Variants in EIF6 observed in about 807,000 individuals in gnomAD.
EIF6 encodes B4 integrin interactor.
Under a neutral mutation model 25.5 loss-of-function variants are expected in EIF6, and 10 were observed. That is an observed-to-expected ratio of 0.39 (90% CI 0.24 to 0.66). The LOEUF is 0.66. EIF6 is among the 30% of genes least tolerant of loss of function. EIF6 has a pLI of 0.45. For missense variants in EIF6, 246 were observed against 315.4 expected (o/e 0.78, Z 1.67); for synonymous variants, 122 against 122.6 (o/e 1.00, Z 0.03).
rs10231 is a variant in EIF6, at chr20:35,279,172, C to T, written c.*25G>A. The T allele has an allele frequency of 1.1e-5, 17 of 1,613,784 alleles. No individual in the cohort carries two copies. Among genetic ancestry groups the T allele is most frequent in the Non-Finnish European group, 1.4e-5 (16 of 1,179,914 alleles). On this transcript the variant is annotated 3_prime_UTR_variant, in exon 7 of 7. Transcript: ENST00000374450. ...GTTGGCCACAGTCCAGAGCCAGGAGCCCATGGAACAACTTGGAAGGTGACT... is the reference window on the plus strand; with the variant it reads ...GTTGGCCACAGTCCAGAGCCAGGAGTCCATGGAACAACTTGGAAGGTGACT...
At chr20:35,279,834 G>A (rs2060757126) in intron 5 of EIF6, 87 bp from the exon 6 acceptor site, 1 of 1,591,304 alleles carries the variant, frequency 6.3e-7, no homozygotes. Context: ...GCTCCTCCCT[G>A]ACCTGCAGCC....
At chr20:35,283,479 G>A (rs937150726) in intron 3 of EIF6, among the ~76,000 whole-genome samples, 2 of 152,162 alleles carry the variant, frequency 1.3e-5, no homozygotes, top group African/African-American at 4.8e-5. Flanking sequence ...AAAGCACCTT[G>A]CCCAGTCAGT....
At chr20:35,283,306 T>C (rs2060792711) in intron 3 of EIF6, among the ~76,000 whole-genome samples, 2 of 150,510 alleles carry the variant, frequency 1.3e-5, no homozygotes, top group South Asian at 4.2e-4. Context: ...ATAATAATAA[T>C]AATAAAAAGG....
At chr20:35,279,815 C>G in intron 5 of EIF6, 68 bp from the exon 6 acceptor site, 2 of 1,599,956 alleles carry the variant, frequency 1.3e-6, no homozygotes, top group Non-Finnish European at 1.7e-6. Context: ...AAGACTCTCC[C>G]CAAACCCTGC....
At chr20:35,284,672 C>T in intron 1 of EIF6, 54 bp downstream of exon 1, 1 of 685,406 alleles carries the variant, frequency 1.5e-6, no homozygotes. Context: ...GCCCCCACCC[C>T]TCCCGACCCA....
Position 35,279,151 on chromosome 20 carries a change from GC to G in EIF6, c.*45del. 6.2e-7 allele frequency: 1 copy of G among 1,613,338 alleles called. No homozygotes were observed. Among genetic ancestry groups the G allele is most frequent in the Non-Finnish European group, 8.5e-7 (1 of 1,179,458 alleles). Reference sequence around the variant, plus strand: ...ATTGGGCGGAATGTGGAGAAGGTTGGCCACAGTCCAGAGCCAGGAGCCCATG... The same window carrying G: ...ATTGGGCGGAATGTGGAGAAGGTTGGCACAGTCCAGAGCCAGGAGCCCATG... On this transcript the variant is annotated 3_prime_UTR_variant, in exon 7 of 7. Coordinates refer to ENST00000374450, the MANE Select transcript of EIF6 (RefSeq NM_002212.4).
chr20:35,279,631 G>A lies in EIF6; in HGVS notation c.663C>T (p.Val221=). Residue 221 remains valine (V), a synonymous_variant, in exon 6 of 7, where the codon GTC becomes GTT. Coordinates refer to ENST00000374450, the MANE Select transcript of EIF6 (RefSeq NM_002212.4). ...TSTELSVVES[V]FKLNEAQPST... is the part of the protein sequence containing the mutation. The stretch of plus-strand genomic sequence containing the variant: ...TAGGCTGGGCTTCATTCAGCTTGAA[G>A]ACACTCTCCACCACTGACAGCTCTG... 6.2e-7 allele frequency: 1 copy of A among 1,614,186 alleles called. No individual in the cohort carries two copies. The highest frequency in any genetic ancestry group is 1.1e-5 in the South Asian group (1 of 91,082).
Position 35,278,950 on chromosome 20 carries a change from G to T in EIF6, c.*247C>A. 1.7e-6 allele frequency: 1 copy of T among 574,120 alleles called. No homozygotes were observed. Among genetic ancestry groups the T allele is most frequent in the Non-Finnish European group, 3.1e-6 (1 of 320,382 alleles). The allele number at this position is 574,120 out of a possible 1,614,324, so 35.6% of individuals were successfully genotyped here. Reference sequence around the variant, plus strand: ...GAGGGAACTGCACTTTAATGGGGTGGCACAGGACAGCAGAACCCTCAGCCA... The same window carrying T: ...GAGGGAACTGCACTTTAATGGGGTGTCACAGGACAGCAGAACCCTCAGCCA... On this transcript the variant is annotated 3_prime_UTR_variant, in exon 7 of 7. Transcript: ENST00000374450.
At chr20:35,281,308 C>A (rs2060773155) in intron 3 of EIF6, among the ~76,000 whole-genome samples, 1 of 151,590 alleles carries the variant, frequency 6.6e-6, no homozygotes, top group Admixed American at 6.6e-5. Context: ...ATGGCGTGAA[C>A]CCGGGAGGCG....
intron 3 of EIF6, among the ~76,000 whole-genome samples, chr20:35,281,438 G>A (rs865831595): frequency 2.1e-4 from 31 of 150,926 alleles, no homozygotes; most frequent in African/African-American, 7.3e-4. Flanking sequence ...TACACACATA[G>A]CAGAATGGCT....
chr20:35,283,655 C>T (rs994217933), intron 3 of EIF6, among the ~76,000 whole-genome samples: 3 of 152,098 alleles, frequency 2.0e-5, no homozygotes, highest in Non-Finnish European at 2.9e-5. Context: ...TAAAAATTAG[C>T]CAGGTGTGGT....
rs564165093 is a variant in EIF6, at chr20:35,283,088, T to C, written c.193+1088A>G. ...GGGAGGATCACCTGAGGTCAGGAGTTCAAGACCAGCCTGGCCAACATGGTG... is the reference window on the plus strand; with the variant it reads ...GGGAGGATCACCTGAGGTCAGGAGTCCAAGACCAGCCTGGCCAACATGGTG... On this transcript the variant is annotated intron_variant, in intron 3 of 6. Coordinates refer to ENST00000374450, the MANE Select transcript of EIF6 (RefSeq NM_002212.4). Among the ~76,000 whole-genome samples, 320 of 151,508 alleles carry C rather than the reference T, an allele frequency of 2.1e-3. 2 individuals carry two copies. Among genetic ancestry groups the C allele is most frequent in the African/African-American group, 7.6e-3 (314 of 41,282 alleles).
At chr20:35,278,911 T>C (rs997855760), downstream of EIF6, 2 of 496,326 alleles carry the variant, frequency 4.0e-6, no homozygotes. Context: ...AAACATCACA[T>C]TCAGAATGGC....
chr20:35,282,513 C>T (rs2060784182), intron 3 of EIF6, among the ~76,000 whole-genome samples: 1 of 152,190 alleles, frequency 6.6e-6, no homozygotes, highest in South Asian at 2.1e-4. Flanking sequence ...TGCTTCAAGT[C>T]CTAAGGGCAT....
Position 35,279,178 on chromosome 20 carries a change from G to C in EIF6, c.*19C>G. The C allele has an allele frequency of 6.2e-7, 1 of 1,613,982 alleles. No homozygotes were observed. The highest frequency in any genetic ancestry group is 8.5e-7 in the Non-Finnish European group (1 of 1,179,930). On this transcript the variant is annotated 3_prime_UTR_variant, in exon 7 of 7. Coordinates refer to ENST00000374450, the MANE Select transcript of EIF6 (RefSeq NM_002212.4). The stretch of plus-strand genomic sequence containing the variant: ...CACAGTCCAGAGCCAGGAGCCCATG[G>C]AACAACTTGGAAGGTGACTCAGGTG...
At chr20:35,282,612 G>T (rs945392727) in intron 3 of EIF6, among the ~76,000 whole-genome samples, 1 of 149,770 alleles carries the variant, frequency 6.7e-6, no homozygotes, top group African/African-American at 2.5e-5. Context: ...TTTGTTTTTT[G>T]TTTTTTTTTG....
chr20:35,280,614 G>A, intron 4 of EIF6, 40 bp downstream of exon 4: 1 of 1,604,704 alleles, frequency 6.2e-7, no homozygotes, highest in Non-Finnish European at 8.5e-7. Context: ...CACTGACTAG[G>A]ATGGCCCTGT....
intron 1 of EIF6, 38 bp downstream of exon 1, chr20:35,284,688 G>C (rs1007776104): frequency 1.9e-4 from 117 of 616,564 alleles, no homozygotes; most frequent in Middle Eastern, 4.4e-4. Context: ...ACCCAGGACC[G>C]GAGCTGACCC....
rs76234054 is a variant in EIF6, at chr20:35,280,326, C to A, written c.370-208G>T. On this transcript the variant is annotated intron_variant, in intron 4 of 6. Transcript: ENST00000374450. ...TGAAGCCCCTAATATTCATGCATGC[C>A]CTGAACAGCTGGAGGCTGGTCTCAA... Among the ~76,000 whole-genome samples the A allele has an allele frequency of 3.5e-4, 53 of 152,282 alleles. No homozygotes were observed. The East Asian group carries it at 9.3e-3, about 27-fold the overall frequency.
Sources: gnomAD v4.1 joint callset for allele counts (sites outside exome capture counted in the v4.1 genomes callset) on GRCh38, gnomAD v4.1.1 for gene constraint, MANE v1.5 for transcripts, NCBI Gene and HGNC (gene_info 2026-07-23, HGNC 2026-07-21) for gene names.